Variants in KCNH8 observed in about 807,000 individuals in gnomAD.
KCNH8 encodes potassium voltage-gated channel subfamily H member 8.
Under a neutral mutation model 103.6 loss-of-function variants are expected in KCNH8, and 70 were observed. The ratio of observed to expected loss-of-function variants is 0.68; its 90% confidence interval spans 0.56 to 0.82. The LOEUF (loss-of-function observed/expected upper bound fraction) is 0.82. Ranked by LOEUF, KCNH8 falls within the 40% of genes least tolerant of loss-of-function variation. KCNH8 has a pLI of 0.00. For synonymous variants in KCNH8, 498 were observed against 489.4 expected, an observed-to-expected ratio of 1.02 and a Z score of -0.23; for missense variants, 1,217 against 1,329.9, an observed-to-expected ratio of 0.92 and a Z score of 1.32.
intron 7 of KCNH8, among the ~76,000 whole-genome samples, chr3:19,406,569 C>T (rs1446699958): frequency 6.6e-6 from 1 of 151,986 alleles, no homozygotes; most frequent in Non-Finnish European, 1.5e-5. Context: ...TTCTAATTAG[C>T]CCAGATGTTG....
At chr3:19,155,737 C>G (rs907961491) in intron 1 of KCNH8, among the ~76,000 whole-genome samples, 4 of 152,210 alleles carry the variant, frequency 2.6e-5, no homozygotes, top group African/African-American at 9.6e-5. Flanking sequence ...AGATTACATT[C>G]TATCAAACTC....
intron 7 of KCNH8, among the ~76,000 whole-genome samples, chr3:19,403,313 C>A (rs1193560735): frequency 1.4e-5 from 2 of 146,684 alleles, no homozygotes; most frequent in Non-Finnish European, 3.0e-5. Flanking sequence ...CTCATACAAA[C>A]AATTACTCAC....
chr3:19,512,877 T>C (rs767973700), intron 12 of KCNH8, 93 bp from the exon 13 acceptor site: 71 of 1,108,800 alleles, frequency 6.4e-5, no homozygotes, highest in Non-Finnish European at 8.6e-5. Context: ...TCTAAGAGAT[T>C]TGACTTTGTT....
intron 1 of KCNH8, among the ~76,000 whole-genome samples, chr3:19,252,142 A>G (rs1190668985): frequency 6.6e-6 from 1 of 152,146 alleles, no homozygotes; most frequent in East Asian, 1.9e-4. Context: ...CATTTTTTGA[A>G]TGCCTTATCT....
At chr3:19,480,033 G>A (rs1476469887) in intron 11 of KCNH8, among the ~76,000 whole-genome samples, 2 of 152,164 alleles carry the variant, frequency 1.3e-5, no homozygotes, top group African/African-American at 4.8e-5. Flanking sequence ...GTTCCTGCTG[G>A]AGCATTTAGT....
At chr3:19,338,522 T>C (rs1013085145) in intron 3 of KCNH8, among the ~76,000 whole-genome samples, 2 of 152,096 alleles carry the variant, frequency 1.3e-5, no homozygotes, top group South Asian at 2.1e-4. Flanking sequence ...ATATATGAAG[T>C]ATAAAATAGT....
intron 3 of KCNH8, among the ~76,000 whole-genome samples, chr3:19,320,699 G>T (rs1013329410): frequency 6.6e-6 from 1 of 151,904 alleles, no homozygotes; most frequent in African/African-American, 2.4e-5. Flanking sequence ...CTTATAGAAT[G>T]ATTTAGGGAG....
intron 2 of KCNH8, among the ~76,000 whole-genome samples, chr3:19,266,328 A>G (rs1042951522): frequency 6.6e-5 from 10 of 152,054 alleles, no homozygotes; most frequent in Non-Finnish European, 1.3e-4. Context: ...TGTTTTTTAA[A>G]AAATCTTCCA....
intron 11 of KCNH8, among the ~76,000 whole-genome samples, chr3:19,509,889 A>T (rs919551726): frequency 6.6e-6 from 1 of 152,206 alleles, no homozygotes; most frequent in African/African-American, 2.4e-5. Context: ...AAGTAATGAG[A>T]TTAAATAAGA....
chr3:19,177,493 TC>T (rs138284994), intron 1 of KCNH8, among the ~76,000 whole-genome samples: 2,332 of 152,156 alleles, frequency 0.015, 59 homozygotes, highest in African/African-American at 0.052. Flanking sequence ...GACAGCAGCC[TC>T]CCCCATTCTG....
chr3:19,504,402 A>C (rs2068651227), intron 11 of KCNH8, among the ~76,000 whole-genome samples: 1 of 151,856 alleles, frequency 6.6e-6, no homozygotes, highest in Non-Finnish European at 1.5e-5. Context: ...CAGCCTACAG[A>C]GTGGTAGAAA....
chr3:19,409,616 G>C (rs1056281866), intron 7 of KCNH8, among the ~76,000 whole-genome samples: 24 of 151,952 alleles, frequency 1.6e-4, no homozygotes, highest in African/African-American at 5.8e-4. Context: ...CTCTCTTTTA[G>C]GGATCTGTTT....
intron 1 of KCNH8, among the ~76,000 whole-genome samples, chr3:19,212,424 T>C (rs1007100776): frequency 2.6e-5 from 4 of 152,190 alleles, no homozygotes; most frequent in Non-Finnish European, 4.4e-5. Context: ...TTCCAACAGA[T>C]GGTTGATGTC....
chr3:19,390,547 C>A lies in KCNH8; in HGVS notation c.878C>A (p.Ser293Ter). The A allele has an allele frequency of 1.2e-6, 2 of 1,613,108 alleles. No individual in the cohort carries two copies. The highest frequency in any genetic ancestry group is 1.7e-6 in the Non-Finnish European group (2 of 1,179,300). ...KSGQVIFEAR[S>*]ICIHYVTTWF... ...GGCCAAGTTATCTTTGAAGCAAGAT[C>A]AATTTGCATCCACTATGTCACAACC... The change falls in exon 6 of 16, where the codon TCA becomes TAA. Residue 293 changes from serine to a stop codon, truncating the protein, a stop_gained. Transcript: ENST00000328405. LOFTEE classifies it high-confidence loss of function.
intron 11 of KCNH8, among the ~76,000 whole-genome samples, chr3:19,509,946 G>A (rs1307053405): frequency 2.0e-5 from 3 of 151,704 alleles, no homozygotes; most frequent in South Asian, 2.1e-4. Context: ...AAGAAAAATC[G>A]AGGAAGATGA....
intron 2 of KCNH8, among the ~76,000 whole-genome samples, chr3:19,258,118 C>T (rs1029621019): frequency 1.3e-5 from 2 of 152,032 alleles, no homozygotes; most frequent in African/African-American, 4.8e-5. Flanking sequence ...AAGACCCTAT[C>T]TTCAAAAAAG....
At chr3:19,477,424 CTT>C (rs898684189) in intron 11 of KCNH8, among the ~76,000 whole-genome samples, 10 of 130,940 alleles carry the variant, frequency 7.6e-5, no homozygotes, top group Admixed American at 7.8e-5. Context: ...TTTTGGTTTT[CTT>C]TTTTTTTTTT....
chr3:19,330,776 T>G (rs1305113641), intron 3 of KCNH8, among the ~76,000 whole-genome samples: 1 of 152,188 alleles, frequency 6.6e-6, no homozygotes, highest in African/African-American at 2.4e-5. Flanking sequence ...TTTACGATAT[T>G]TTTGTAAGGA....
intron 11 of KCNH8, among the ~76,000 whole-genome samples, chr3:19,469,158 CTGAGA>C (rs2125200668): frequency 6.6e-6 from 1 of 152,260 alleles, no homozygotes; most frequent in African/African-American, 2.4e-5. Flanking sequence ...CTTCACTTTT[CTGAGA>C]TAATTGTTCT....
Sources: allele counts gnomAD v4.1 joint callset (sites outside exome capture counted in the v4.1 genomes callset), GRCh38; gene constraint gnomAD v4.1.1; transcripts MANE v1.5; gene names NCBI Gene and HGNC (gene_info 2026-07-23, HGNC 2026-07-21).